The following DCPS variants were observed in gnomAD, a reference collection of about 807,000 sequenced individuals.
The protein encoded by DCPS is decapping enzyme, scavenger.
DCPS carries 27 observed loss-of-function variants against 34.7 expected under a neutral mutation model. That is an observed-to-expected ratio of 0.78 (90% confidence interval 0.57 to 1.07). The LOEUF (loss-of-function observed/expected upper bound fraction) is 1.07. Ranked by LOEUF, DCPS falls within the 50% of genes least tolerant of loss-of-function variation. The pLI, the probability that DCPS is intolerant of heterozygous loss-of-function variation, is 0.00. For missense variants in DCPS, 464 were observed against 436.9 expected (o/e 1.06, Z -0.55); for synonymous variants, 185 against 185.7 (o/e 1.00, Z 0.03).
At chr11:126,308,219 G>A (rs1341858073) in intron 2 of DCPS, among the ~76,000 whole-genome samples, 2 of 152,224 alleles carry the variant, frequency 1.3e-5, no homozygotes, top group Admixed American at 1.3e-4. Flanking sequence ...GGAAACATGA[G>A]TGAGACTGGT....
intron 2 of DCPS, among the ~76,000 whole-genome samples, chr11:126,321,104 A>C (rs1039540415): frequency 6.6e-6 from 1 of 151,904 alleles, no homozygotes; most frequent in Admixed American, 6.6e-5. Flanking sequence ...AAAATACAAA[A>C]ATTAGCCAGG....
chr11:126,306,524 A>G, intron 1 of DCPS, 46 bp from the exon 2 acceptor site: 12 of 1,533,596 alleles, frequency 7.8e-6, no homozygotes, highest in Non-Finnish European at 1.1e-5. Flanking sequence ...CCAGAGTCTC[A>G]TCGTGGTTCT....
chr11:126,313,644 G>A lies in DCPS; in HGVS notation c.376+6900G>A, dbSNP rs141382338. Among the ~76,000 whole-genome samples, 1 of 152,176 alleles carries A rather than the reference G, an allele frequency of 6.6e-6. No homozygotes were observed. Among genetic ancestry groups the A allele is most frequent in the African/African-American group, 2.4e-5 (1 of 41,530 alleles). On this transcript the variant is annotated intron_variant, in intron 2 of 5. Coordinates refer to ENST00000263579, the MANE Select transcript of DCPS (RefSeq NM_014026.6). This position sits in a 1 kb window ranked among gnomAD's most constrained non-coding sequence, Gnocchi z 4.9. Reference sequence around the variant, plus strand: ...CAGAACTGAACAATATACTGCCTAGGGATGCATACATGTGTAATAAGACTA... The same window carrying A: ...CAGAACTGAACAATATACTGCCTAGAGATGCATACATGTGTAATAAGACTA...
rs1278760835 is a variant in DCPS, at chr11:126,337,281, GT to G, written c.523-1002del. The G allele has an allele frequency of 1.4e-4, 21 of 152,208 alleles. No individual in the cohort carries two copies. The highest frequency in any genetic ancestry group is 5.1e-4 in the African/African-American group (21 of 41,410). The allele number at this position is 152,208 out of a possible 1,614,324, so 9.4% of individuals were successfully genotyped here. ...ATGTCCTCAGCCACTCCCCTCTCTG[GT>G]TTCCTAGCAGGTCTCTCCCCCAGAT... On this transcript the variant is annotated intron_variant, in intron 3 of 5. Coordinates refer to ENST00000263579, the MANE Select transcript of DCPS (RefSeq NM_014026.6). This position sits in a 1 kb window ranked among gnomAD's most constrained non-coding sequence, Gnocchi z 5.3.
chr11:126,348,040 G>A lies in DCPS; in HGVS notation c.*2427G>A, dbSNP rs550519135. 5.9e-5 allele frequency among the ~76,000 whole-genome samples: 9 copies of A among 152,146 alleles called. No individual in the cohort carries two copies. The highest frequency in any genetic ancestry group is 1.9e-4 in the East Asian group (1 of 5,174). ...CCTTGCCGTTCCTTCCCCTCATCTC[G>A]TAGCGCCTGGCCCCTGGAGGAAGGT... On this transcript the variant is annotated 3_prime_UTR_variant, in exon 6 of 6. Coordinates refer to ENST00000263579, the MANE Select transcript of DCPS (RefSeq NM_014026.6). The surrounding 1 kb of genome is among the most constrained non-coding windows in gnomAD (Gnocchi z 5.3).
rs1482910340 is a variant in DCPS, at chr11:126,342,670, C to A, written c.637-637C>A. 6.6e-6 allele frequency among the ~76,000 whole-genome samples: 1 copy of A among 152,112 alleles called. No homozygotes were observed. The highest frequency in any genetic ancestry group is 1.5e-5 in the Non-Finnish European group (1 of 68,024). On this transcript the variant is annotated intron_variant, in intron 4 of 5. Coordinates refer to ENST00000263579, the MANE Select transcript of DCPS (RefSeq NM_014026.6). The surrounding 1 kb of genome is among the most constrained non-coding windows in gnomAD (Gnocchi z 4.4). ...TGCACTGGGATTATTTTGTGTCTTACAGTAGAGCTACTTGCATACATGCGA... is the reference window on the plus strand; with the variant it reads ...TGCACTGGGATTATTTTGTGTCTTAAAGTAGAGCTACTTGCATACATGCGA...
At position 126,338,070 on chromosome 11, in the gene DCPS, GC is replaced by G; in HGVS notation, c.523-214del. Reference sequence around the variant, plus strand: ...CCCTTGTGATGACGCATGGCTGAGTGCCAGCTGGAGTGGGAAGGGGGAAGTC... The same window carrying G: ...CCCTTGTGATGACGCATGGCTGAGTGCAGCTGGAGTGGGAAGGGGGAAGTC... On this transcript the variant is annotated intron_variant, in intron 3 of 5. Transcript: ENST00000263579. This position sits in a 1 kb window ranked among gnomAD's most constrained non-coding sequence, Gnocchi z 5.4. 1.8e-6 allele frequency: 1 copy of G among 567,610 alleles called. No homozygotes were observed. Among genetic ancestry groups the G allele is most frequent in the Non-Finnish European group, 3.2e-6 (1 of 316,074 alleles). 35.2% of individuals were successfully genotyped at this position (567,610 alleles called of 1,614,324 possible).
chr11:126,321,969 G>A (rs548977584), intron 2 of DCPS, among the ~76,000 whole-genome samples: 87 of 152,216 alleles, frequency 5.7e-4, no homozygotes, highest in African/African-American at 1.8e-3. Flanking sequence ...AAAGTCAGAC[G>A]CTGAATCCAA....
At chr11:126,326,934 A>C (rs1200330395) in intron 2 of DCPS, among the ~76,000 whole-genome samples, 5 of 152,088 alleles carry the variant, frequency 3.3e-5, no homozygotes, top group African/African-American at 1.2e-4. Context: ...AAAAAAAAAA[A>C]CAAAAAACAA....
rs1433721897 is a variant in DCPS at position 126,304,200 on chromosome 11, C to G, written c.120C>G (p.Val40=). Residue 40 remains valine (V), a synonymous_variant, in exon 1 of 6, where the codon GTC becomes GTG. Coordinates refer to ENST00000263579, the MANE Select transcript of DCPS (RefSeq NM_014026.6). The part of the protein sequence containing the change: ...AGVGNGTCAP[V]RLPFSGFRLQ... Reference sequence around the variant, plus strand: ...TTGGAAATGGTACCTGTGCTCCTGTCCGCTTACCGTTCTCCGGCTTCAGAC... The same window carrying G: ...TTGGAAATGGTACCTGTGCTCCTGTGCGCTTACCGTTCTCCGGCTTCAGAC... 6.2e-7 allele frequency: 1 copy of G among 1,614,200 alleles called. No homozygotes were observed. Among genetic ancestry groups the G allele is most frequent in the Non-Finnish European group, 8.5e-7 (1 of 1,180,008 alleles).
At chr11:126,306,905 G>T (rs1367868724) in intron 2 of DCPS, among the ~76,000 whole-genome samples, 161 bp downstream of exon 2, 1 of 152,086 alleles carries the variant, frequency 6.6e-6, no homozygotes. Context: ...AGACATTTTT[G>T]ATTGTCAGAA....
Position 126,338,225 on chromosome 11 carries a change from G to T in DCPS, c.523-61G>T. On this transcript the variant is annotated intron_variant, in intron 3 of 5. Transcript: ENST00000263579. This position sits in a 1 kb window ranked among gnomAD's most constrained non-coding sequence, Gnocchi z 5.4. ...CCAGGGAATGCCCTGAGCTCAGTTT[G>T]GGGTATCTCTCAAGGGGTGATGAGT... 1.3e-6 allele frequency: 2 copies of T among 1,519,426 alleles called. No individual in the cohort carries two copies. The highest frequency in any genetic ancestry group is 2.3e-5 in the South Asian group (2 of 87,944). The allele number at this position is 1,519,426 out of a possible 1,614,324, so 94.1% of individuals were successfully genotyped here.
chr11:126,309,645 G>A (rs1358833464), intron 2 of DCPS, among the ~76,000 whole-genome samples: 2 of 152,004 alleles, frequency 1.3e-5, no homozygotes, highest in African/African-American at 4.8e-5. Flanking sequence ...CTGTACATGC[G>A]GTGCCTTTCG....
intron 2 of DCPS, among the ~76,000 whole-genome samples, chr11:126,310,487 G>C (rs575693263): frequency 1.1e-4 from 16 of 152,278 alleles, no homozygotes; most frequent in African/African-American, 3.9e-4. Flanking sequence ...TGGGGTCAGG[G>C]GTGGGGACAT....
chr11:126,318,032 C>T (rs982467943), intron 2 of DCPS, among the ~76,000 whole-genome samples: 5 of 152,144 alleles, frequency 3.3e-5, no homozygotes, highest in African/African-American at 7.2e-5. Context: ...TTTTGCCATC[C>T]GGTCCTGTTG....
chr11:126,324,691 G>C (rs956596098), intron 2 of DCPS, among the ~76,000 whole-genome samples: 8 of 131,250 alleles, frequency 6.1e-5, no homozygotes, highest in African/African-American at 2.4e-4. Context: ...GCTCAGGCTA[G>C]TCACAAATCC....
Position 126,349,482 on chromosome 11 carries a change from C to G in DCPS, c.*3869C>G, listed in dbSNP as rs902367016. ...CTTCTCTCCATTTGTCTCAAACTTT[C>G]CTAATAGAGCAAAATTGCTGAGTGG... On this transcript the variant is annotated 3_prime_UTR_variant, in exon 6 of 6. Transcript: ENST00000263579. The surrounding 1 kb of genome is among the most constrained non-coding windows in gnomAD (Gnocchi z 5.4). 9.9e-5 allele frequency among the ~76,000 whole-genome samples: 15 copies of G among 152,158 alleles called. No individual in the cohort carries two copies. Among genetic ancestry groups the G allele is most frequent in the African/African-American group, 3.4e-4 (14 of 41,438 alleles).
Position 126,345,756 on chromosome 11 carries a change from G to A in DCPS, c.*143G>A. The A allele has an allele frequency of 3.2e-6, 4 of 1,264,284 alleles. No individual in the cohort carries two copies. The highest frequency in any genetic ancestry group is 4.3e-6 in the Non-Finnish European group (4 of 931,926). 78.3% of individuals were successfully genotyped at this position (1,264,284 alleles called of 1,614,324 possible). A position where few individuals can be genotyped will look rare whatever the true frequency, so the allele number is the denominator to read the frequency against. On this transcript the variant is annotated 3_prime_UTR_variant, in exon 6 of 6. Transcript: ENST00000263579. The surrounding 1 kb of genome is among the most constrained non-coding windows in gnomAD (Gnocchi z 7.4). ...GAATAAACTAGCGGGCTCACTCAGT[G>A]TGGACAGCGTGGCCTGGGAGGCAGA...
chr11:126,340,313 C>T (rs2135335100), intron 4 of DCPS, among the ~76,000 whole-genome samples: 1 of 152,226 alleles, frequency 6.6e-6, no homozygotes, highest in African/African-American at 2.4e-5. Context: ...TCCTTCTTAA[C>T]ATTTGCTTAA....
Sources: allele counts gnomAD v4.1 joint callset (sites outside exome capture counted in the v4.1 genomes callset), GRCh38; gene constraint gnomAD v4.1.1; non-coding constraint Gnocchi (gnomAD v3.1); transcripts MANE v1.5; gene names NCBI Gene and HGNC (gene_info 2026-07-23, HGNC 2026-07-21).